Variants in ERC1 observed in about 807,000 individuals in gnomAD.
ERC1 encodes ELKS/RAB6-interacting/CAST family member 1, also known as RAB6 interacting protein 2.
A neutral mutation model predicts 132.0 loss-of-function variants in ERC1; 56 were observed. The ratio of observed to expected loss-of-function variants is 0.42; its 90% CI spans 0.34 to 0.53. The LOEUF is 0.53. ERC1 is among the 20% of genes least tolerant of loss of function. The pLI is 0.03. For missense variants in ERC1, 1,202 were observed against 1,349.9 expected (o/e 0.89, Z 1.72); for synonymous variants, 478 against 476.1 (o/e 1.00, Z -0.05).
intron 17 of ERC1, among the ~76,000 whole-genome samples, chr12:1,414,850 G>A (rs893398306): frequency 6.6e-6 from 1 of 152,044 alleles, no homozygotes; most frequent in Admixed American, 6.5e-5. Flanking sequence ...ATATATGTGT[G>A]TGTGTGTCTG....
At chr12:1,185,643 T>C (rs955411242) in intron 11 of ERC1, among the ~76,000 whole-genome samples, 6 of 152,116 alleles carry the variant, frequency 3.9e-5, no homozygotes, top group Admixed American at 3.3e-4. Context: ...TTCTGACTTT[T>C]GTGTGAATGA....
intron 15 of ERC1, among the ~76,000 whole-genome samples, chr12:1,327,620 A>G (rs558559467): frequency 9.2e-5 from 14 of 152,102 alleles, no homozygotes; most frequent in Non-Finnish European, 1.8e-4. Context: ...CTCTTCTTCT[A>G]TACTTTCTTC....
chr12:1,272,425 G>T (rs571370003), intron 14 of ERC1, among the ~76,000 whole-genome samples: 1 of 152,180 alleles, frequency 6.6e-6, no homozygotes, highest in Admixed American at 6.5e-5. Context: ...CATATGTCAA[G>T]TGTTAATACT....
intron 2 of ERC1, among the ~76,000 whole-genome samples, chr12:1,082,665 A>G (rs1942406522): frequency 6.7e-6 from 1 of 150,062 alleles, no homozygotes; most frequent in Non-Finnish European, 1.5e-5. Context: ...TAACTTTTGT[A>G]TTTTAGTAGA....
chr12:1,203,094 G>A (rs1237522771), intron 12 of ERC1, among the ~76,000 whole-genome samples: 1 of 152,218 alleles, frequency 6.6e-6, no homozygotes, highest in Non-Finnish European at 1.5e-5. Context: ...GTCTTGCTCT[G>A]TTGCCCAGGC....
At chr12:1,114,533 A>G (rs983216016) in intron 6 of ERC1, among the ~76,000 whole-genome samples, 14 of 152,198 alleles carry the variant, frequency 9.2e-5, no homozygotes, top group Non-Finnish European at 1.9e-4. Flanking sequence ...ACATCCCCCA[A>G]AATATTCATT....
chr12:1,156,910 C>G (rs1951449869), intron 8 of ERC1, among the ~76,000 whole-genome samples: 1 of 152,020 alleles, frequency 6.6e-6, no homozygotes, highest in Non-Finnish European at 1.5e-5. Flanking sequence ...AGTTTTTCCT[C>G]TAGTAAATAC....
chr12:1,304,882 C>T (rs368474362), intron 15 of ERC1, among the ~76,000 whole-genome samples: 346 of 148,734 alleles, frequency 2.3e-3, no homozygotes, highest in African/African-American at 8.0e-3. Flanking sequence ...CTCCGCCTCC[C>T]GGGTTGACGC....
chr12:1,104,543 T>G (rs983093260), intron 3 of ERC1, among the ~76,000 whole-genome samples: 1 of 152,194 alleles, frequency 6.6e-6, no homozygotes, highest in African/African-American at 2.4e-5. Flanking sequence ...TGTTCAGAGA[T>G]AGGGATCCTC....
At chr12:1,487,359 G>T (rs1203742503) in intron 18 of ERC1, among the ~76,000 whole-genome samples, 1 of 141,606 alleles carries the variant, frequency 7.1e-6, no homozygotes, top group Non-Finnish European at 1.5e-5. Flanking sequence ...GTCTTATGGT[G>T]CCAAGCATCT....
chr12:1,296,308 A>G (rs910020954), intron 15 of ERC1, among the ~76,000 whole-genome samples: 21 of 151,992 alleles, frequency 1.4e-4, no homozygotes, highest in African/African-American at 4.6e-4. Flanking sequence ...GGCCTGGGCA[A>G]CAAAATGAGA....
At chr12:1,241,968 C>G (rs1398133619) in intron 13 of ERC1, among the ~76,000 whole-genome samples, 1 of 147,908 alleles carries the variant, frequency 6.8e-6, no homozygotes, top group East Asian at 2.0e-4. Context: ...AAGTGATTCT[C>G]CTGCCTCAGC....
At chr12:1,399,092 G>A (rs1237067285) in intron 16 of ERC1, among the ~76,000 whole-genome samples, 1 of 150,886 alleles carries the variant, frequency 6.6e-6, no homozygotes, top group East Asian at 1.9e-4. Flanking sequence ...ACTACACACA[G>A]GCATGTGACA....
intron 15 of ERC1, among the ~76,000 whole-genome samples, chr12:1,340,757 A>C (rs2083759401): frequency 6.6e-6 from 1 of 152,028 alleles, no homozygotes; most frequent in Admixed American, 6.6e-5. Flanking sequence ...AGTAGGCTTT[A>C]GTGCCCTTCC....
At chr12:1,174,535 A>G (rs1358905783) in intron 8 of ERC1, among the ~76,000 whole-genome samples, 2 of 152,240 alleles carry the variant, frequency 1.3e-5, no homozygotes, top group Admixed American at 6.5e-5. Context: ...AGCAAAGAAT[A>G]ATGGATTCCT....
chr12:996,396 C>T (rs1004049981), intron 1 of ERC1, among the ~76,000 whole-genome samples: 4 of 151,824 alleles, frequency 2.6e-5, no homozygotes, highest in African/African-American at 9.7e-5. Context: ...GCGACCACAC[C>T]TGGCCTCATT....
intron 1 of ERC1, among the ~76,000 whole-genome samples, chr12:1,018,467 G>A (rs544396515): frequency 7.9e-5 from 12 of 152,104 alleles, no homozygotes; most frequent in African/African-American, 1.9e-4. Flanking sequence ...CGCCTGCCTC[G>A]GCCTCCCAAA....
chr12:1,037,838 A>T (rs1397301055), intron 2 of ERC1, among the ~76,000 whole-genome samples: 1 of 151,954 alleles, frequency 6.6e-6, no homozygotes, highest in African/African-American at 2.4e-5. Context: ...AGGTCAGGAG[A>T]TCCAGAGCAT....
At chr12:1,287,000 C>G (rs553424581) in intron 14 of ERC1, among the ~76,000 whole-genome samples, 21 of 152,120 alleles carry the variant, frequency 1.4e-4, no homozygotes, top group African/African-American at 4.8e-4. Flanking sequence ...AGAGAACAAG[C>G]TGAGACTTAT....
Sources: gnomAD v4.1 joint callset for allele counts (sites outside exome capture counted in the v4.1 genomes callset) on GRCh38, gnomAD v4.1.1 for gene constraint, MANE v1.5 for transcripts, NCBI Gene and HGNC (gene_info 2026-07-23, HGNC 2026-07-21) for gene names.